Variants in KCNB2 observed in about 807,000 individuals in gnomAD.
KCNB2 encodes the protein delayed rectifier potassium channel protein.
A neutral mutation model predicts 61.5 loss-of-function variants in KCNB2; 15 were observed. That is an observed-to-expected ratio of 0.24 (90% CI 0.16 to 0.38). The LOEUF (loss-of-function observed/expected upper bound fraction) is 0.38, where lower values mean the gene tolerates loss of function less well. KCNB2 is among the 10% of genes least tolerant of loss of function. The probability of loss-of-function intolerance (pLI) is 1.00; values close to 1 mark genes in which losing one functional copy is unlikely to be tolerated. For synonymous variants in KCNB2, 457 were observed against 446.0 expected (o/e 1.02, Z -0.31); for missense variants, 828 against 1,125.2 (o/e 0.74, Z 3.78).
intron 2 of KCNB2, among the ~76,000 whole-genome samples, chr8:72,823,384 G>T (rs911836930): frequency 6.6e-6 from 1 of 152,102 alleles, no homozygotes; most frequent in Non-Finnish European, 1.5e-5. Context: ...GGGGAAGCAG[G>T]TTATCAAGCA....
chr8:72,640,175 A>G (rs1046037094), intron 2 of KCNB2, among the ~76,000 whole-genome samples: 1 of 152,082 alleles, frequency 6.6e-6, no homozygotes, highest in Non-Finnish European at 1.5e-5. Flanking sequence ...GACAGTGACT[A>G]TTACTGTGAT....
intron 2 of KCNB2, among the ~76,000 whole-genome samples, chr8:72,849,551 T>C (rs1810057086): frequency 6.6e-6 from 1 of 152,220 alleles, no homozygotes; most frequent in African/African-American, 2.4e-5. Context: ...TTCCTAAATA[T>C]AAACTCTTTT....
intron 2 of KCNB2, among the ~76,000 whole-genome samples, chr8:72,723,716 G>A (rs1807587751): frequency 6.6e-6 from 1 of 152,082 alleles, no homozygotes; most frequent in Admixed American, 6.6e-5. Context: ...AATACAAAAG[G>A]CCCGGTGTGG....
chr8:72,622,148 A>G lies in KCNB2; in HGVS notation c.579+53835A>G, dbSNP rs180823343. Among the ~76,000 whole-genome samples the G allele has an allele frequency of 1.5e-3, 227 of 152,322 alleles. 1 individual carries two copies. The highest frequency in any genetic ancestry group is 5.2e-3 in the African/African-American group (217 of 41,580). On this transcript the variant is annotated intron_variant, in intron 2 of 2. Coordinates refer to ENST00000523207, the MANE Select transcript of KCNB2 (RefSeq NM_004770.3). ...TAAATAAGATAACAGTCTAATCCTT[A>G]TGGAATGTACACAGAAAATAGACAG... is the stretch of plus-strand genomic sequence containing the variant.
At chr8:72,678,964 A>G (rs1806708112) in intron 2 of KCNB2, among the ~76,000 whole-genome samples, 1 of 151,656 alleles carries the variant, frequency 6.6e-6, no homozygotes, top group Non-Finnish European at 1.5e-5. Context: ...ATGCCCTTTG[A>G]GGAATCTTTT....
At chr8:72,782,789 G>T (rs1047187817) in intron 2 of KCNB2, among the ~76,000 whole-genome samples, 8 of 152,182 alleles carry the variant, frequency 5.3e-5, no homozygotes, top group African/African-American at 1.4e-4. Flanking sequence ...AAAAATTTCT[G>T]TTGACCTTGG....
intron 2 of KCNB2, among the ~76,000 whole-genome samples, chr8:72,916,718 ATG>A (rs1806408376): frequency 6.6e-6 from 1 of 152,214 alleles, no homozygotes; most frequent in South Asian, 2.1e-4. Flanking sequence ...TTTATTGTTA[ATG>A]AAAGTGGCTC....
chr8:72,573,812 G>C (rs1806754418), intron 2 of KCNB2, among the ~76,000 whole-genome samples: 1 of 152,218 alleles, frequency 6.6e-6, no homozygotes, highest in African/African-American at 2.4e-5. Flanking sequence ...AGGCACCTCT[G>C]TGTACTACGC....
At chr8:72,869,485 C>T (rs1241527691) in intron 2 of KCNB2, among the ~76,000 whole-genome samples, 6 of 151,762 alleles carry the variant, frequency 4.0e-5, no homozygotes, top group African/African-American at 1.5e-4. Context: ...TAAGGAACTC[C>T]TACAACTCAA....
In KCNB2 at chr8:72,588,504, G is replaced by T. The variant is rs187997398; in HGVS notation, c.579+20191G>T. On this transcript the variant is annotated intron_variant, in intron 2 of 2. Coordinates refer to ENST00000523207, the MANE Select transcript of KCNB2 (RefSeq NM_004770.3). Reference sequence around the variant, plus strand: ...TCCGCCCACCTCGGCCTCCCAAAGTGCTGAGATTACAGGCTTAAGCCACCA... The same window carrying T: ...TCCGCCCACCTCGGCCTCCCAAAGTTCTGAGATTACAGGCTTAAGCCACCA... Among the ~76,000 whole-genome samples, 107 of 152,160 alleles carry T rather than the reference G, an allele frequency of 7.0e-4. 1 individual carries two copies. In the East Asian group the frequency reaches 9.3e-3, roughly 13 times the overall value.
intron 2 of KCNB2, among the ~76,000 whole-genome samples, chr8:72,665,506 T>A (rs1806452913): frequency 6.7e-6 from 1 of 149,230 alleles, no homozygotes; most frequent in African/African-American, 2.5e-5. Context: ...TATATGAAAT[T>A]CCCAAATATT....
At chr8:72,888,391 G>A (rs1176753448) in intron 2 of KCNB2, among the ~76,000 whole-genome samples, 2 of 152,120 alleles carry the variant, frequency 1.3e-5, no homozygotes, top group Non-Finnish European at 2.9e-5. Flanking sequence ...GATTACAGAC[G>A]TTAGTCACCG....
At chr8:72,902,716 G>A (rs1806110124) in intron 2 of KCNB2, among the ~76,000 whole-genome samples, 1 of 152,152 alleles carries the variant, frequency 6.6e-6, no homozygotes, top group African/African-American at 2.4e-5. Context: ...TCAGCTTTTA[G>A]GAGATAATAT....
chr8:72,901,892 G>A (rs1474429148), intron 2 of KCNB2, among the ~76,000 whole-genome samples: 1 of 152,158 alleles, frequency 6.6e-6, no homozygotes, highest in Non-Finnish European at 1.5e-5. Context: ...CTGGTGCTTT[G>A]TTTTCTGTTG....
intron 1 of KCNB2, among the ~76,000 whole-genome samples, chr8:72,541,897 T>G: frequency 6.6e-6 from 1 of 152,114 alleles, no homozygotes; most frequent in Non-Finnish European, 1.5e-5. Context: ...TTTAGCTACT[T>G]TTAGAATTAT....
chr8:72,856,635 A>T (rs1810212486), intron 2 of KCNB2, among the ~76,000 whole-genome samples: 1 of 152,214 alleles, frequency 6.6e-6, no homozygotes, highest in South Asian at 2.1e-4. Flanking sequence ...TATTACCTGA[A>T]AAAATAAGTC....
chr8:72,625,530 G>A (rs570515898), intron 2 of KCNB2, among the ~76,000 whole-genome samples: 74 of 152,140 alleles, frequency 4.9e-4, no homozygotes, highest in African/African-American at 1.7e-3. Flanking sequence ...TCCTGGGCTC[G>A]GGTGATCCTC....
chr8:72,671,716 G>A (rs1180471997), intron 2 of KCNB2, among the ~76,000 whole-genome samples: 1 of 152,094 alleles, frequency 6.6e-6, no homozygotes, highest in Non-Finnish European at 1.5e-5. Flanking sequence ...TCTGAGCTTA[G>A]CCACATGGAT....
chr8:72,916,609 C>G (rs868746740), intron 2 of KCNB2, among the ~76,000 whole-genome samples: 1 of 152,162 alleles, frequency 6.6e-6, no homozygotes, highest in African/African-American at 2.4e-5. Context: ...GCGTGACAGC[C>G]TTTTGCATCT....
Sources: gnomAD v4.1 joint callset for allele counts (sites outside exome capture counted in the v4.1 genomes callset) on GRCh38, gnomAD v4.1.1 for gene constraint, MANE v1.5 for transcripts, NCBI Gene and HGNC (gene_info 2026-07-23, HGNC 2026-07-21) for gene names.